The following SPATC1L variants were observed in gnomAD, a reference collection of about 807,000 sequenced individuals.
The protein encoded by SPATC1L is spermatogenesis and centriole associated 1 like, also known as speriolin-like protein.
SPATC1L carries 20 observed loss-of-function variants against 21.2 expected under a neutral mutation model. The observed-to-expected ratio is 0.94, with a 90% CI of 0.66 to 1.37. The LOEUF (loss-of-function observed/expected upper bound fraction) is 1.37, where lower values mean the gene tolerates loss of function less well. Among genes scored for constraint, SPATC1L ranks in the 40% most tolerant of loss-of-function variants. The pLI, the probability that SPATC1L is intolerant of heterozygous loss-of-function variation, is 0.00. For synonymous variants in SPATC1L, 290 were observed against 234.5 expected, an observed-to-expected ratio of 1.24 and a Z score of -2.16; for missense variants, 499 against 478.7, an observed-to-expected ratio of 1.04 and a Z score of -0.40.
chr21:46,176,925 A>C (rs2079637498), intron 2 of SPATC1L, among the ~76,000 whole-genome samples: 1 of 152,204 alleles, frequency 6.6e-6, no homozygotes, highest in Non-Finnish European at 1.5e-5. Context: ...TACATAGATC[A>C]ATAGAACGGA....
At chr21:46,161,742 G>A (rs774196058) in intron 4 of SPATC1L, 37 bp from the exon 5 acceptor site, 21 of 1,522,236 alleles carry the variant, frequency 1.4e-5, no homozygotes, top group Non-Finnish European at 1.9e-5. Flanking sequence ...TGGGGGGCTC[G>A]GGGCCCTCGG....
rs750063717 is a variant in SPATC1L, at chr21:46,161,587, G to A, written c.815C>T (p.Pro272Leu). Residue 272 changes from proline (P) to leucine (L), a missense_variant, in exon 5 of 5, where the codon CCG (proline) becomes CTG (leucine). Coordinates refer to ENST00000291672, the MANE Select transcript of SPATC1L (RefSeq NM_001142854.2). ...EKLGYSRDVH[P>L]AFSEFLINTY... Reference sequence around the variant, plus strand: ...GTTGATGAGGAACTCGCTGAACGCCGGGTGCACGTCGCGGCTGTAGCCCAG... The same window carrying A: ...GTTGATGAGGAACTCGCTGAACGCCAGGTGCACGTCGCGGCTGTAGCCCAG... The A allele has an allele frequency of 5.5e-5, 89 of 1,610,216 alleles. No individual in the cohort carries two copies. Among genetic ancestry groups the A allele is most frequent in the Non-Finnish European group, 5.2e-5 (61 of 1,178,918 alleles).
Position 46,161,487 on chromosome 21 carries a change from C to T in SPATC1L, c.915G>A (p.Lys305=). 6.2e-7 allele frequency: 1 copy of T among 1,605,290 alleles called. No individual in the cohort carries two copies. Among genetic ancestry groups the T allele is most frequent in the African/African-American group, 1.3e-5 (1 of 74,828 alleles). ...PLHSSPAALR[K]LVIDVVPPKF... ...TGGGGGGCACCACGTCGATGACCAG[C>T]TTGCGCAGCGCGGCCGGGCTGCTGT... The change falls in exon 5 of 5, where the codon AAG becomes AAA. Residue 305 remains lysine (K), a synonymous_variant. Coordinates refer to ENST00000291672, the MANE Select transcript of SPATC1L (RefSeq NM_001142854.2).
chr21:46,175,437 G>C (rs2079625648), intron 2 of SPATC1L, among the ~76,000 whole-genome samples: 1 of 151,898 alleles, frequency 6.6e-6, no homozygotes. Context: ...GAAGAAAAGA[G>C]AAAAGATTCA....
intron 2 of SPATC1L, among the ~76,000 whole-genome samples, chr21:46,181,069 G>A (rs1037947325): frequency 3.3e-5 from 5 of 152,358 alleles, no homozygotes; most frequent in Non-Finnish European, 5.9e-5. Context: ...CCTGAGGTCC[G>A]GCCCAGGGTG....
In SPATC1L at chr21:46,183,041, C is replaced by T; in HGVS notation, c.-225G>A. The T allele has an allele frequency of 2.0e-5, 10 of 510,878 alleles. No individual in the cohort carries two copies. The highest frequency in any genetic ancestry group is 9.9e-5 in the South Asian group (3 of 30,208). The allele number at this position is 510,878 out of a possible 1,614,324, so 31.6% of individuals were successfully genotyped here. A position where few individuals can be genotyped will look rare whatever the true frequency, so the allele number is the denominator to read the frequency against. ...AGGCAGTGAAGCTGGAGGCCCGTGG[C>T]GTGCACAGGCAGCCACTCCCACATT... On this transcript the variant is annotated 5_prime_UTR_variant, in exon 2 of 5. Coordinates refer to ENST00000291672, the MANE Select transcript of SPATC1L (RefSeq NM_001142854.2).
At chr21:46,183,953 G>T (rs76817810) in intron 1 of SPATC1L, among the ~76,000 whole-genome samples, 179 bp from the exon 2 acceptor site, 1 of 132,670 alleles carries the variant, frequency 7.5e-6, no homozygotes, top group Non-Finnish European at 1.7e-5. Flanking sequence ...AGACCAGCCT[G>T]GGGGAGGAGA....
chr21:46,166,504 A>C (rs901758199), intron 3 of SPATC1L, among the ~76,000 whole-genome samples: 13 of 152,090 alleles, frequency 8.5e-5, no homozygotes, highest in Non-Finnish European at 1.5e-4. Flanking sequence ...TAAAAAAAAA[A>C]CAAGACCCAA....
intron 3 of SPATC1L, among the ~76,000 whole-genome samples, chr21:46,165,284 G>A (rs2079532132): frequency 1.3e-5 from 2 of 152,168 alleles, no homozygotes; most frequent in South Asian, 4.1e-4. Context: ...GGCCTGCTTG[G>A]GAAGGTCTTA....
At chr21:46,181,764 C>T (rs1310337831) in intron 2 of SPATC1L, among the ~76,000 whole-genome samples, 2 of 152,186 alleles carry the variant, frequency 1.3e-5, no homozygotes, top group Admixed American at 6.5e-5. Context: ...AGGCTGACCA[C>T]GTCCTTTCCG....
intron 2 of SPATC1L, among the ~76,000 whole-genome samples, chr21:46,181,880 T>A (rs2079676862): frequency 6.6e-6 from 1 of 152,172 alleles, no homozygotes; most frequent in Non-Finnish European, 1.5e-5. Context: ...CAAGGGTACA[T>A]CTGTCAGCCC....
chr21:46,169,162 C>T (rs1311533305), intron 2 of SPATC1L, among the ~76,000 whole-genome samples: 2 of 152,268 alleles, frequency 1.3e-5, no homozygotes, highest in South Asian at 4.1e-4. Flanking sequence ...ATTTTTAACC[C>T]TTGCCCTATT....
chr21:46,178,042 T>G (rs1363189718), intron 2 of SPATC1L, among the ~76,000 whole-genome samples: 2 of 152,056 alleles, frequency 1.3e-5, no homozygotes, highest in Non-Finnish European at 2.9e-5. Context: ...GAGACCAGCC[T>G]GACCAACATG....
chr21:46,167,443 A>T (rs111340612), intron 3 of SPATC1L, among the ~76,000 whole-genome samples: 1 of 152,184 alleles, frequency 6.6e-6, no homozygotes, highest in Non-Finnish European at 1.5e-5. Context: ...AAGATCAGAG[A>T]AGAAATAAAT....
rs935101764 is a variant in SPATC1L, at chr21:46,162,185, C to A, written c.545-118G>T. 1.0e-5 allele frequency: 12 copies of A among 1,162,462 alleles called. No individual in the cohort carries two copies. In the African/African-American group the frequency reaches 1.7e-4, roughly 17 times the overall value. 72.0% of individuals were successfully genotyped at this position (1,162,462 alleles called of 1,614,324 possible). On this transcript the variant is annotated intron_variant, in intron 3 of 4. Transcript: ENST00000291672. ...ACCCCCCTCCTCCCACCTGCCGCCACCCCCCACTGTCTGGCAAATAGAATC... is the reference window on the plus strand; with the variant it reads ...ACCCCCCTCCTCCCACCTGCCGCCAACCCCCACTGTCTGGCAAATAGAATC...
chr21:46,162,988 G>A (rs139721896), intron 3 of SPATC1L, among the ~76,000 whole-genome samples: 58 of 152,268 alleles, frequency 3.8e-4, no homozygotes, highest in African/African-American at 1.4e-3. Context: ...AGCCTCTGAT[G>A]GCATCCGAGT....
At chr21:46,182,471 C>CACCA (rs1277512013) in intron 2 of SPATC1L, among the ~76,000 whole-genome samples, 153 bp downstream of exon 2, 5 of 152,248 alleles carry the variant, frequency 3.3e-5, no homozygotes, top group Non-Finnish European at 7.3e-5. Context: ...CAGCAGAACC[C>CACCA]ACCACCTGGT....
At position 46,183,207 on chromosome 21, in the gene SPATC1L, G is replaced by T. The variant is rs968873350; in HGVS notation, c.-391C>A. ...CCACCCTGTGTGGTGTCCTCAAGCT[G>T]GGTGGGGACGCTGCCTTCACCCGAG... On this transcript the variant is annotated 5_prime_UTR_variant, in exon 2 of 5. Transcript: ENST00000291672. 5.6e-5 allele frequency: 13 copies of T among 231,516 alleles called. No individual in the cohort carries two copies. The highest frequency in any genetic ancestry group is 1.0e-4 in the Non-Finnish European group (12 of 119,168). 14.3% of individuals were successfully genotyped at this position (231,516 alleles called of 1,614,324 possible). A position where few individuals can be genotyped will look rare whatever the true frequency, so the allele number is the denominator to read the frequency against.
intron 2 of SPATC1L, among the ~76,000 whole-genome samples, chr21:46,174,969 C>T (rs548022145): frequency 2.1e-4 from 32 of 152,314 alleles, no homozygotes; most frequent in African/African-American, 5.3e-4. Flanking sequence ...ATCTCTCAGA[C>T]GACAACGGAC....
Sources: gnomAD v4.1 joint callset for allele counts (sites outside exome capture counted in the v4.1 genomes callset) on GRCh38, gnomAD v4.1.1 for gene constraint, MANE v1.5 for transcripts, NCBI Gene and HGNC (gene_info 2026-07-23, HGNC 2026-07-21) for gene names.